Variants in OSBPL10 observed in about 807,000 individuals in gnomAD.
OSBPL10 encodes the protein oxysterol binding protein like 10.
In OSBPL10, 49 loss-of-function variants were observed where a neutral mutation model predicts 81.7. The ratio of observed to expected loss-of-function variants is 0.60; its 90% CI spans 0.48 to 0.76. The LOEUF is 0.76. Among genes scored for constraint, OSBPL10 ranks in the 30% least tolerant of loss-of-function variants. OSBPL10 has a pLI of 0.00. For synonymous variants in OSBPL10, 419 were observed against 383.6 expected, an observed-to-expected ratio of 1.09 and a Z score of -1.08; for missense variants, 923 against 987.8, an observed-to-expected ratio of 0.93 and a Z score of 0.88.
intron 1 of OSBPL10, among the ~76,000 whole-genome samples, chr3:31,950,694 A>T (rs1456593962): frequency 2.0e-5 from 3 of 152,154 alleles, no homozygotes; most frequent in Non-Finnish European, 2.9e-5. Context: ...ATGGGGGCAG[A>T]TCCCTCACAA....
chr3:31,951,886 A>C, intron 1 of OSBPL10, among the ~76,000 whole-genome samples: 1 of 152,138 alleles, frequency 6.6e-6, no homozygotes, highest in East Asian at 1.9e-4. Flanking sequence ...ACCGTGCTAT[A>C]CTCTTAAGAT....
At chr3:31,863,932 T>C (rs1322064541) in intron 3 of OSBPL10, among the ~76,000 whole-genome samples, 1 of 152,204 alleles carries the variant, frequency 6.6e-6, no homozygotes, top group Non-Finnish European at 1.5e-5. Context: ...CTAATACTGA[T>C]ACTAATACTA....
At chr3:31,833,688 A>AAC (rs1445001792) in intron 3 of OSBPL10, among the ~76,000 whole-genome samples, 1 of 141,536 alleles carries the variant, frequency 7.1e-6, no homozygotes, top group Admixed American at 6.9e-5. Flanking sequence ...TTGTAGGGAA[A>AAC]ACACGCACAC....
chr3:31,987,849 G>A (rs1698957694), intron 2 of OSBPL10, among the ~76,000 whole-genome samples: 1 of 152,194 alleles, frequency 6.6e-6, no homozygotes, highest in African/African-American at 2.4e-5. Context: ...ACCTCCAAGT[G>A]GATCAGAAAC....
chr3:31,747,866 G>T (rs1697574288), intron 5 of OSBPL10, 44 bp downstream of exon 5: 7 of 1,555,240 alleles, frequency 4.5e-6, no homozygotes, highest in Admixed American at 1.7e-5. Context: ...CAGACACAGT[G>T]TGTGTACTCA....
chr3:31,761,827 A>AAAAAAAAAAAAAAAAC (rs996116489), intron 4 of OSBPL10, among the ~76,000 whole-genome samples: 26 of 149,532 alleles, frequency 1.7e-4, no homozygotes, highest in African/African-American at 6.7e-4. Context: ...AAAAAAAAAA[A>AAAAAAAAAAAAAAAAC]AAAACCCTAA....
Position 31,833,711 on chromosome 3 carries a change from A to G in OSBPL10, c.538-3480T>C, listed in dbSNP as rs1034699633. 1.9e-3 allele frequency among the ~76,000 whole-genome samples: 282 copies of G among 145,316 alleles called. 3 individuals carry two copies. Among genetic ancestry groups the G allele is most frequent in the Non-Finnish European group, 2.8e-3 (190 of 67,616 alleles). On this transcript the variant is annotated intron_variant, in intron 3 of 11. Transcript: ENST00000396556. Reference sequence around the variant, plus strand: ...AAAACACGCACACGCACACGCACACACACACACACACACACACACACACAC... The same window carrying G: ...AAAACACGCACACGCACACGCACACGCACACACACACACACACACACACAC...
chr3:31,964,437 G>T (rs145206474), intron 1 of OSBPL10, among the ~76,000 whole-genome samples: 1 of 152,188 alleles, frequency 6.6e-6, no homozygotes, highest in Non-Finnish European at 1.5e-5. Flanking sequence ...GATTACAGGC[G>T]TCAGCCATGG....
intron 11 of OSBPL10, chr3:31,662,333 A>G (rs1404818047): frequency 4.6e-6 from 6 of 1,294,464 alleles, no homozygotes; most frequent in Middle Eastern, 5.9e-4. Context: ...GGAAACCCCA[A>G]GAAATGAGCA....
intron 4 of OSBPL10, among the ~76,000 whole-genome samples, chr3:31,784,349 A>C (rs967593089): frequency 6.6e-6 from 1 of 150,998 alleles, no homozygotes; most frequent in African/African-American, 2.4e-5. Context: ...GGTGACAGAG[A>C]TGGGAAAGGA....
intron 1 of OSBPL10, among the ~76,000 whole-genome samples, chr3:31,970,095 T>C (rs991216400): frequency 6.6e-6 from 1 of 152,166 alleles, no homozygotes; most frequent in Non-Finnish European, 1.5e-5. Context: ...GAAAATTCCG[T>C]GCTCCACAAT....
At chr3:31,939,143 C>CT (rs1559525545) in intron 1 of OSBPL10, among the ~76,000 whole-genome samples, 8,180 of 49,638 alleles carry the variant, frequency 0.16, 767 homozygotes, top group African/African-American at 0.39. Context: ...ACTCTCTCAT[C>CT]CTTTTTTTTT....
intron 6 of OSBPL10, among the ~76,000 whole-genome samples, chr3:31,706,330 G>GT (rs908605964): frequency 4.6e-5 from 7 of 152,150 alleles, no homozygotes; most frequent in African/African-American, 1.7e-4. Context: ...TGCAAAAATT[G>GT]TAAGTCTGGG....
In OSBPL10 at chr3:31,831,328, C is replaced by A. The variant is rs1010816025; in HGVS notation, c.538-1097G>T. Among the ~76,000 whole-genome samples the A allele has an allele frequency of 1.7e-4, 26 of 151,944 alleles. 1 individual carries two copies. The highest frequency in any genetic ancestry group is 5.8e-4 in the African/African-American group (24 of 41,446). On this transcript the variant is annotated intron_variant, in intron 3 of 11. Coordinates refer to ENST00000396556, the MANE Select transcript of OSBPL10 (RefSeq NM_017784.5). ...GGCTGAGGCAGGAGAATCACTTGAA[C>A]CCAGGAGGCGGAGGTTGCAGTGAGC...
At chr3:31,779,192 G>A (rs11709187) in intron 4 of OSBPL10, among the ~76,000 whole-genome samples, 81,384 of 152,004 alleles carry the variant, frequency 0.54, 24,225 homozygotes, top group East Asian at 0.79. Context: ...CAACTAGCAC[G>A]ATGAATAAAA....
At position 31,797,739 on chromosome 3, in the gene OSBPL10, C is replaced by G. The variant is rs771155361; in HGVS notation, c.729+32301G>C. On this transcript the variant is annotated intron_variant, in intron 4 of 11. Coordinates refer to ENST00000396556, the MANE Select transcript of OSBPL10 (RefSeq NM_017784.5). ...AAGTCACAGTCACTTTTTGCCATGT[C>G]CACAATACAATGTACCAGAAAGATC... is the stretch of plus-strand genomic sequence containing the variant. 7.3e-5 allele frequency: 33 copies of G among 449,834 alleles called. No homozygotes were observed. The Middle Eastern group carries it at 9.8e-4, about 13-fold the overall frequency. 27.9% of individuals were successfully genotyped at this position (449,834 alleles called of 1,614,324 possible). A position where few individuals can be genotyped will look rare whatever the true frequency, so the allele number is the denominator to read the frequency against.
intron 2 of OSBPL10, among the ~76,000 whole-genome samples, chr3:32,043,249 C>T (rs1003977039): frequency 9.9e-5 from 15 of 152,122 alleles, no homozygotes; most frequent in Admixed American, 1.3e-4. Context: ...CCTACTTGCA[C>T]GTCCGTTTAT....
Position 32,068,113 on chromosome 3 carries a change from C to T in OSBPL10, n.185+9283G>A, listed in dbSNP as rs374827902. ...CTCTCTTCTCCAGCCTCTCTCACTC[C>T]CTTCAATCTCTCTTTCCTTCCAATT... On this transcript the variant is annotated intron_variant and non_coding_transcript_variant, in intron 1 of 3. Transcript: ENST00000479173. Among the ~76,000 whole-genome samples the T allele has an allele frequency of 3.3e-5, 5 of 152,260 alleles. No individual in the cohort carries two copies. In the East Asian group the frequency reaches 7.7e-4, roughly 24 times the overall value.
intron 2 of OSBPL10, among the ~76,000 whole-genome samples, chr3:32,004,678 A>T (rs947632101): frequency 2.6e-5 from 4 of 152,172 alleles, no homozygotes; most frequent in African/African-American, 7.2e-5. Context: ...AACACCTGCT[A>T]TGTGTCAGGT....
Sources: gnomAD v4.1 joint callset for allele counts (sites outside exome capture counted in the v4.1 genomes callset) on GRCh38, gnomAD v4.1.1 for gene constraint, MANE v1.5 for transcripts, NCBI Gene and HGNC (gene_info 2026-07-23, HGNC 2026-07-21) for gene names.